NKAIN2: variants seen among roughly 807,000 people sequenced by gnomAD.
NKAIN2 encodes sodium/potassium-transporting ATPase subunit beta-1-interacting protein 2.
NKAIN2 carries 14 observed loss-of-function variants against 32.6 expected under a neutral mutation model. The observed-to-expected ratio is 0.43, with a 90% CI of 0.28 to 0.67. The LOEUF (loss-of-function observed/expected upper bound fraction) is 0.67. NKAIN2 is among the 30% of genes least tolerant of loss of function. NKAIN2 has a pLI of 0.17. For synonymous variants in NKAIN2, 80 were observed against 87.2 expected, an observed-to-expected ratio of 0.92 and a Z score of 0.46; for missense variants, 198 against 258.3, an observed-to-expected ratio of 0.77 and a Z score of 1.60.
intron 4 of NKAIN2, among the ~76,000 whole-genome samples, chr6:124,746,606 A>C (rs528174089): frequency 6.6e-6 from 1 of 152,046 alleles, no homozygotes; most frequent in Non-Finnish European, 1.5e-5. Flanking sequence ...ATCTGTACTG[A>C]TATACAGTAA....
intron 1 of NKAIN2, among the ~76,000 whole-genome samples, chr6:124,135,369 T>A (rs1271195518): frequency 6.6e-6 from 1 of 151,958 alleles, no homozygotes; most frequent in Non-Finnish European, 1.5e-5. Context: ...GTATCTGCTA[T>A]CTTCAAGAGA....
intron 1 of NKAIN2, among the ~76,000 whole-genome samples, chr6:123,868,166 C>A (rs952128137): frequency 1.3e-5 from 2 of 152,126 alleles, no homozygotes; most frequent in African/African-American, 4.8e-5. Context: ...CTGTGCCCAG[C>A]CTGTACTGGG....
chr6:124,716,881 A>C (rs904847028), intron 4 of NKAIN2, among the ~76,000 whole-genome samples: 2 of 152,002 alleles, frequency 1.3e-5, no homozygotes, highest in African/African-American at 4.8e-5. Context: ...CTGCTAGGGG[A>C]TAAGCTCCAT....
intron 3 of NKAIN2, among the ~76,000 whole-genome samples, chr6:124,527,143 G>A (rs1779349015): frequency 6.6e-6 from 1 of 152,090 alleles, no homozygotes; most frequent in African/African-American, 2.4e-5. Flanking sequence ...GCAAATCAAT[G>A]CAAGTCTTGT....
chr6:124,184,676 C>A (rs1177890864), intron 1 of NKAIN2, among the ~76,000 whole-genome samples: 1 of 152,106 alleles, frequency 6.6e-6, no homozygotes, highest in South Asian at 2.1e-4. Context: ...GGGGAAGAAA[C>A]AACAGGTCTG....
intron 1 of NKAIN2, 150 bp downstream of exon 1, chr6:123,804,404 G>T (rs1773128744): frequency 1.4e-6 from 1 of 720,818 alleles, no homozygotes; most frequent in East Asian, 2.7e-5. Flanking sequence ...GATGATTTCA[G>T]GGAGACGCAC....
intron 1 of NKAIN2, among the ~76,000 whole-genome samples, chr6:124,149,637 C>A (rs1047314494): frequency 5.3e-5 from 8 of 152,190 alleles, no homozygotes; most frequent in Non-Finnish European, 1.2e-4. Context: ...CCATTAATAT[C>A]TATATCTAGC....
At chr6:124,444,595 A>G (rs1391668020) in intron 3 of NKAIN2, among the ~76,000 whole-genome samples, 1 of 152,042 alleles carries the variant, frequency 6.6e-6, no homozygotes, top group African/African-American at 2.4e-5. Flanking sequence ...TCAATTTTAC[A>G]TATTCTCAAC....
chr6:124,304,412 TAAG>T (rs1405909472), intron 2 of NKAIN2, among the ~76,000 whole-genome samples: 1 of 152,086 alleles, frequency 6.6e-6, no homozygotes, highest in Non-Finnish European at 1.5e-5. Context: ...ATATGTGGTA[TAAG>T]AAGAAGAAAA....
intron 5 of NKAIN2, among the ~76,000 whole-genome samples, chr6:124,817,753 C>A (rs999612753): frequency 1.2e-4 from 18 of 152,146 alleles, no homozygotes; most frequent in African/African-American, 4.3e-4. Flanking sequence ...GCCACAGTAA[C>A]TCTTATTATA....
rs969049851 is a variant in NKAIN2 at position 124,823,735 on chromosome 6, G to A, written c.*506G>A. ...AACATGCCATGATGACCTTGTACCC[G>A]AAGTCCGAAATGGCAGATTGTTTGC... On this transcript the variant is annotated 3_prime_UTR_variant, in exon 7 of 7. Transcript: ENST00000368417. 1 of 158,060 alleles carries A rather than the reference G, an allele frequency of 6.3e-6. No homozygotes were observed. The highest frequency in any genetic ancestry group is 1.9e-4 in the South Asian group (1 of 5,380). The allele number at this position is 158,060 out of a possible 1,614,324, so 9.8% of individuals were successfully genotyped here. A position where few individuals can be genotyped will look rare whatever the true frequency, so the allele number is the denominator to read the frequency against.
At chr6:124,497,824 T>TAAAAAAAAAAA (rs33913104) in intron 3 of NKAIN2, among the ~76,000 whole-genome samples, 35 of 105,626 alleles carry the variant, frequency 3.3e-4, no homozygotes, top group East Asian at 1.5e-3. Flanking sequence ...GAGTAAGGGG[T>TAAAAAAAAAAA]AAAAAAAAAA....
chr6:124,700,147 G>C, intron 4 of NKAIN2, among the ~76,000 whole-genome samples: 1 of 152,092 alleles, frequency 6.6e-6, no homozygotes, highest in East Asian at 1.9e-4. Context: ...CTAATATTCA[G>C]AACAACCTGC....
intron 3 of NKAIN2, among the ~76,000 whole-genome samples, chr6:124,511,851 C>T (rs541992487): frequency 4.2e-4 from 64 of 152,150 alleles, no homozygotes; most frequent in African/African-American, 1.3e-3. Context: ...CAGCTGAGTA[C>T]GATTAAAAGA....
chr6:124,617,630 C>T (rs1419186605), intron 3 of NKAIN2, among the ~76,000 whole-genome samples: 2 of 152,150 alleles, frequency 1.3e-5, no homozygotes, highest in Non-Finnish European at 2.9e-5. Flanking sequence ...TCAGCTCCTT[C>T]AGTGCAAGGA....
intron 4 of NKAIN2, among the ~76,000 whole-genome samples, chr6:124,718,595 C>T (rs1718542011): frequency 6.6e-6 from 1 of 152,064 alleles, no homozygotes; most frequent in Admixed American, 6.6e-5. Context: ...TAATATTCCC[C>T]ATAGAATTTC....
intron 4 of NKAIN2, among the ~76,000 whole-genome samples, chr6:124,726,611 A>C (rs1776329323): frequency 6.7e-6 from 1 of 149,336 alleles, no homozygotes; most frequent in Admixed American, 6.7e-5. Context: ...TGGGGAAAAA[A>C]CAGAACAGAA....
intron 1 of NKAIN2, among the ~76,000 whole-genome samples, chr6:123,828,117 C>T (rs1246028992): frequency 2.0e-5 from 3 of 152,058 alleles, no homozygotes; most frequent in Admixed American, 1.3e-4. Context: ...TGCCATTTCC[C>T]CTGTGAAGAC....
At chr6:124,819,597 G>T (rs1300630448) in intron 6 of NKAIN2, among the ~76,000 whole-genome samples, 4 of 152,084 alleles carry the variant, frequency 2.6e-5, no homozygotes, top group African/African-American at 4.8e-5. Flanking sequence ...AAGTTTTTCG[G>T]TCTCTTCCTT....
Sources: gnomAD v4.1 joint callset for allele counts (sites outside exome capture counted in the v4.1 genomes callset) on GRCh38, gnomAD v4.1.1 for gene constraint, MANE v1.5 for transcripts, NCBI Gene and HGNC (gene_info 2026-07-23, HGNC 2026-07-21) for gene names.